Variants in ATG7 observed in about 807,000 individuals in gnomAD.
ATG7 encodes the protein autophagy related 7.
A neutral mutation model predicts 82.4 loss-of-function variants in ATG7; 70 were observed. The observed-to-expected ratio is 0.85, with a 90% CI of 0.70 to 1.04. ATG7 has a LOEUF of 1.04. ATG7 is among the 50% of genes least tolerant of loss of function. The pLI, the probability that ATG7 is intolerant of heterozygous loss-of-function variation, is 0.00. For missense variants in ATG7, 792 were observed against 864.3 expected (o/e 0.92, Z 1.05); for synonymous variants, 287 against 313.0 (o/e 0.92, Z 0.88).
intron 9 of ATG7, among the ~76,000 whole-genome samples, chr3:11,318,988 C>T (rs530242356): frequency 3.3e-5 from 5 of 152,224 alleles, no homozygotes; most frequent in Non-Finnish European, 7.3e-5. Context: ...TTTCTGCCTG[C>T]CCCATATCCC....
At chr3:11,574,875 G>A in the ATG7 span, among the ~76,000 whole-genome samples, 1 of 147,632 alleles carries the variant, frequency 6.8e-6, no homozygotes, top group Admixed American at 6.8e-5. Context: ...CCCCAAATAT[G>A]GTTCAGGAAG....
chr3:11,311,925 C>G (rs2594969), intron 7 of ATG7, among the ~76,000 whole-genome samples: 120,039 of 150,072 alleles, frequency 0.8, 48,421 homozygotes, highest in East Asian at 0.93. Context: ...CATTTTAAAA[C>G]TCATCTAGTA....
At chr3:11,449,258 G>C (rs1430821838) in intron 20 of ATG7, among the ~76,000 whole-genome samples, 1 of 152,176 alleles carries the variant, frequency 6.6e-6, no homozygotes, top group Non-Finnish European at 1.5e-5. Context: ...TGTAGTCCCA[G>C]CTATTCAGGA....
At chr3:11,507,526 T>C (rs545405824) in intron 20 of ATG7, among the ~76,000 whole-genome samples, 2 of 152,348 alleles carry the variant, frequency 1.3e-5, no homozygotes, top group African/African-American at 4.8e-5. Flanking sequence ...TATAATGTGA[T>C]ATGAAAATAC....
intron 3 of ATG7, among the ~76,000 whole-genome samples, chr3:11,287,629 C>T (rs868801197): frequency 1.3e-5 from 2 of 152,160 alleles, no homozygotes; most frequent in African/African-American, 2.4e-5. Flanking sequence ...ACGTTATGAG[C>T]CTTAATAAAT....
chr3:11,432,603 T>G (rs542176160), intron 20 of ATG7, among the ~76,000 whole-genome samples: 1 of 152,116 alleles, frequency 6.6e-6, no homozygotes, highest in African/African-American at 2.4e-5. Flanking sequence ...ACTAAAGAAC[T>G]TATCTACATA....
At chr3:11,286,139 T>C (rs1047032288) in intron 3 of ATG7, among the ~76,000 whole-genome samples, 12 of 152,264 alleles carry the variant, frequency 7.9e-5, no homozygotes, top group African/African-American at 2.4e-4. Flanking sequence ...TTCTATCAGA[T>C]AGCACACAGT....
chr3:11,317,584 C>CTTTTTTTTTTTTTTTTT (rs370026914), intron 9 of ATG7, among the ~76,000 whole-genome samples: 1 of 114,482 alleles, frequency 8.7e-6, no homozygotes, highest in Non-Finnish European at 1.7e-5. Flanking sequence ...TTCTTTCTTT[C>CTTTTTTTTTTTTTTTTT]TTTTTTTTTT....
intron 20 of ATG7, among the ~76,000 whole-genome samples, chr3:11,553,119 C>T (rs1007379285): frequency 2.6e-5 from 4 of 152,130 alleles, no homozygotes; most frequent in African/African-American, 9.7e-5. Context: ...TTTCATTCTC[C>T]ATCTTGCCCC....
intron 20 of ATG7, among the ~76,000 whole-genome samples, chr3:11,518,762 C>T (rs1367960062): frequency 6.6e-6 from 1 of 152,114 alleles, no homozygotes; most frequent in Non-Finnish European, 1.5e-5. Flanking sequence ...TAGGGAAACA[C>T]TTGATAGGAG....
chr3:11,447,892 C>T (rs1379872576), intron 20 of ATG7, among the ~76,000 whole-genome samples: 1 of 152,180 alleles, frequency 6.6e-6, no homozygotes, highest in African/African-American at 2.4e-5. Flanking sequence ...GATGGTCCTC[C>T]TCAACAAACT....
chr3:11,361,010 A>G (rs2076247460), intron 16 of ATG7, among the ~76,000 whole-genome samples: 1 of 152,232 alleles, frequency 6.6e-6, no homozygotes, highest in East Asian at 1.9e-4. Flanking sequence ...TACAAACCAT[A>G]TTTTTGGAAA....
chr3:11,501,618 G>T (rs575904675), intron 20 of ATG7, among the ~76,000 whole-genome samples: 5 of 152,258 alleles, frequency 3.3e-5, no homozygotes, highest in African/African-American at 9.6e-5. Flanking sequence ...TATTATGGTT[G>T]TATAAGAAAT....
chr3:11,274,782 G>A (rs769972376), intron 1 of ATG7, among the ~76,000 whole-genome samples: 2 of 151,678 alleles, frequency 1.3e-5, no homozygotes, highest in Non-Finnish European at 2.9e-5. Flanking sequence ...TGTACGAGGT[G>A]ATATGTTACT....
At chr3:11,360,910 A>G in intron 16 of ATG7, 126 bp downstream of exon 16, 1 of 1,097,902 alleles carries the variant, frequency 9.1e-7, no homozygotes, top group Non-Finnish European at 1.3e-6. Flanking sequence ...AGAATTCTCC[A>G]ATTTGGGGAG....
In ATG7 at chr3:11,556,694, A is replaced by G. The variant is rs1329645724; in HGVS notation, c.*1851A>G. The G allele has an allele frequency of 6.5e-6, 1 of 152,806 alleles. No homozygotes were observed. Among genetic ancestry groups the G allele is most frequent in the African/African-American group, 2.4e-5 (1 of 41,474 alleles). The allele number at this position is 152,806 out of a possible 1,614,324, so 9.5% of individuals were successfully genotyped here. ...TTAAATAGCTACATATCATTAACAAATTAATGTTCTTCAAAAAATACCTAC... is the reference window on the plus strand; with the variant it reads ...TTAAATAGCTACATATCATTAACAAGTTAATGTTCTTCAAAAAATACCTAC... On this transcript the variant is annotated 3_prime_UTR_variant, in exon 21 of 21. Coordinates refer to ENST00000693202, the MANE Select transcript of ATG7 (RefSeq NM_001349232.2).
At chr3:11,445,223 A>T (rs1488628852) in intron 20 of ATG7, among the ~76,000 whole-genome samples, 1 of 152,226 alleles carries the variant, frequency 6.6e-6, no homozygotes, top group Non-Finnish European at 1.5e-5. Flanking sequence ...AAGGAATATA[A>T]ATCATTCTGC....
intron 19 of ATG7, among the ~76,000 whole-genome samples, chr3:11,396,731 G>A (rs1207444439): frequency 2.7e-5 from 4 of 149,294 alleles, no homozygotes; most frequent in South Asian, 2.1e-4. Flanking sequence ...GCAGTGAGCC[G>A]AGATGGCGCC....
chr3:11,471,920 T>C (rs2087588584), intron 20 of ATG7, among the ~76,000 whole-genome samples: 1 of 151,902 alleles, frequency 6.6e-6, no homozygotes, highest in Non-Finnish European at 1.5e-5. Context: ...GTATTTTTAG[T>C]AGAGATGGGG....
Sources: allele counts gnomAD v4.1 joint callset (sites outside exome capture counted in the v4.1 genomes callset), GRCh38; gene constraint gnomAD v4.1.1; transcripts MANE v1.5; gene names NCBI Gene and HGNC (gene_info 2026-07-23, HGNC 2026-07-21).